Variants in CHRNA5 observed in about 807,000 individuals in gnomAD.
The protein encoded by CHRNA5 is neuronal acetylcholine receptor subunit alpha-5.
A neutral mutation model predicts 41.2 loss-of-function variants in CHRNA5; 28 were observed. The observed-to-expected ratio is 0.68, with a 90% confidence interval of 0.50 to 0.93. CHRNA5 has a LOEUF of 0.93. CHRNA5 is among the 40% of genes least tolerant of loss of function. CHRNA5 has a pLI of 0.00. For synonymous variants in CHRNA5, 188 were observed against 205.8 expected, an observed-to-expected ratio of 0.91 and a Z score of 0.74; for missense variants, 481 against 581.9, an observed-to-expected ratio of 0.83 and a Z score of 1.78.
chr15:78,593,331 A>AGT (rs1174235413), exon 6 of CHRNA5: 24 of 1,381,738 alleles, frequency 1.7e-5, no homozygotes, highest in Non-Finnish European at 2.1e-5. Flanking sequence ...TGAAAATGTA[A>AGT]GTTATGTGTT....
intron 1 of CHRNA5, among the ~76,000 whole-genome samples, chr15:78,573,194 C>T (rs112234596): frequency 0.032 from 4,823 of 152,130 alleles, 265 homozygotes; most frequent in African/African-American, 0.11. Context: ...CCAGGGATGC[C>T]GCTAAACATA....
chr15:78,581,055 A>G (rs980920645), intron 2 of CHRNA5, 93 bp downstream of exon 2: 1 of 1,327,612 alleles, frequency 7.5e-7, no homozygotes. Context: ...CAAGGATTAC[A>G]AAGGTGATTG....
chr15:78,590,256 C>G (rs760176741), exon 5 of CHRNA5: 1 of 1,613,964 alleles, frequency 6.2e-7, no homozygotes, highest in Non-Finnish European at 8.5e-7. Context: ...CACTTCAGTA[C>G]TTGTGTCTTT....
chr15:78,590,586 T>G (rs768325287), exon 5 of CHRNA5: 1 of 1,614,178 alleles, frequency 6.2e-7, no homozygotes, highest in Non-Finnish European at 8.5e-7. Flanking sequence ...TGCGCTCGAT[T>G]CTATTCGCTA....
intron 1 of CHRNA5, among the ~76,000 whole-genome samples, chr15:78,566,974 CG>C (rs975914355): frequency 1.3e-5 from 2 of 152,106 alleles, no homozygotes; most frequent in African/African-American, 4.8e-5. Context: ...AATGGCGGGC[CG>C]GGCGCGGTGG....
At chr15:78,589,970 T>C (rs374849701) in exon 5 of CHRNA5, 20 of 1,614,202 alleles carry the variant, frequency 1.2e-5, no homozygotes, top group Non-Finnish European at 1.5e-5. Flanking sequence ...CTTGGACTTA[T>C]GATGGATCAC....
intron 1 of CHRNA5, among the ~76,000 whole-genome samples, chr15:78,566,917 G>T (rs2052753064): frequency 6.6e-6 from 1 of 152,160 alleles, no homozygotes; most frequent in Non-Finnish European, 1.5e-5. Context: ...TGGCTCTGGT[G>T]CATCCTGACT....
chr15:78,581,032 C>A, intron 2 of CHRNA5, 70 bp downstream of exon 2: 2 of 1,473,754 alleles, frequency 1.4e-6, no homozygotes, highest in Middle Eastern at 1.8e-4. Context: ...TGCCCAGGCA[C>A]TGTGCTAGGC....
At chr15:78,585,594 A>G (rs749337941) in intron 2 of CHRNA5, among the ~76,000 whole-genome samples, 5 of 152,102 alleles carry the variant, frequency 3.3e-5, no homozygotes, top group Non-Finnish European at 5.9e-5. Flanking sequence ...CTAAAATTTA[A>G]TGGAAGAAGT....
chr15:78,581,000 G>C (rs2052909480), intron 2 of CHRNA5, 38 bp downstream of exon 2: 1 of 1,588,758 alleles, frequency 6.3e-7, no homozygotes, highest in Non-Finnish European at 8.6e-7. Context: ...ATTTCCCACA[G>C]ATTTAGTGAG....
In CHRNA5 at chr15:78,576,808, A is replaced by C. The variant is rs539191209; in HGVS notation, c.107-4003A>C. On this transcript the variant is annotated intron_variant, in intron 1 of 5. Transcript: ENST00000299565. ...GGCGAGACCCAGTCTCAAAAAAAAA[A>C]AAAAACAAAAAAAGCAATTACTGTC... 4.6e-5 allele frequency among the ~76,000 whole-genome samples: 7 copies of C among 152,134 alleles called. No homozygotes were observed. In the East Asian group the frequency reaches 5.8e-4, roughly 13 times the overall value.
chr15:78,577,926 CAAA>C (rs5813925), intron 1 of CHRNA5, among the ~76,000 whole-genome samples: 5,184 of 129,150 alleles, frequency 0.04, 315 homozygotes, highest in African/African-American at 0.14. Flanking sequence ...GACCCTGTCT[CAAA>C]AAAAAAAAAA....
chr15:78,576,499 G>A (rs2052858171), intron 1 of CHRNA5, among the ~76,000 whole-genome samples: 2 of 152,168 alleles, frequency 1.3e-5, no homozygotes, highest in Non-Finnish European at 2.9e-5. Context: ...ATGTAATAAT[G>A]TAATAAGTAA....
intron 1 of CHRNA5, among the ~76,000 whole-genome samples, chr15:78,576,150 T>G (rs7178052): frequency 0.97 from 147,469 of 152,176 alleles, 71,638 homozygotes; most frequent in East Asian, 1. Context: ...TGTTTTTTTT[T>G]TTGTTGTTGT....
At chr15:78,592,270 C>T (rs1055131193) in intron 5 of CHRNA5, among the ~76,000 whole-genome samples, 4 of 152,148 alleles carry the variant, frequency 2.6e-5, no homozygotes, top group African/African-American at 9.7e-5. Flanking sequence ...TGCAGTGAGC[C>T]GAGGTCACGC....
intron 2 of CHRNA5, among the ~76,000 whole-genome samples, chr15:78,584,730 GGTAATAT>G (rs1465926210): frequency 6.6e-6 from 1 of 152,218 alleles, no homozygotes; most frequent in Admixed American, 6.5e-5. Flanking sequence ...TATCATCATG[GGTAATAT>G]GTTTACCAGA....
intron 4 of CHRNA5, chr15:78,589,583 GA>G: frequency 2.2e-6 from 1 of 457,580 alleles, no homozygotes; most frequent in African/African-American, 2.0e-5. Context: ...TTCTGGAGTA[GA>G]TGCAGAAGAA....
rs2052986105 is a variant in CHRNA5 at position 78,588,993 on chromosome 15, TTGTC to T, written c.413+573_413+576del. 1 of 152,190 alleles carries T rather than the reference TTGTC, an allele frequency of 6.6e-6. No individual in the cohort carries two copies. Among genetic ancestry groups the T allele is most frequent in the East Asian group, 1.9e-4 (1 of 5,192 alleles). The allele number at this position is 152,190 out of a possible 1,614,324, so 9.4% of individuals were successfully genotyped here. A position where few individuals can be genotyped will look rare whatever the true frequency, so the allele number is the denominator to read the frequency against. Reference sequence around the variant, plus strand: ...GAATTTGTGCTTATCTTAAAGCACTTTGTCTGATTCGAAAGAAGGCCATTTGGCA... The same window carrying T: ...GAATTTGTGCTTATCTTAAAGCACTTTGATTCGAAAGAAGGCCATTTGGCA... On this transcript the variant is annotated intron_variant, in intron 4 of 5. Transcript: ENST00000299565. The surrounding 1 kb of genome is among the most constrained non-coding windows in gnomAD (Gnocchi z 4.1).
At chr15:78,568,441 G>A (rs915593821) in intron 1 of CHRNA5, among the ~76,000 whole-genome samples, 2 of 151,444 alleles carry the variant, frequency 1.3e-5, no homozygotes, top group Admixed American at 6.6e-5. Flanking sequence ...ATATTTCTTA[G>A]CTGTGTGACA....
Sources: allele counts gnomAD v4.1 joint callset (sites outside exome capture counted in the v4.1 genomes callset), GRCh38; gene constraint gnomAD v4.1.1; non-coding constraint Gnocchi (gnomAD v3.1); transcripts MANE v1.5; gene names NCBI Gene and HGNC (gene_info 2026-07-23, HGNC 2026-07-21).